Variants in AATF observed in about 807,000 individuals in gnomAD.
AATF encodes the protein protein AATF.
AATF carries 48 observed loss-of-function variants against 63.7 expected under a neutral mutation model. The ratio of observed to expected loss-of-function variants is 0.75; its 90% CI spans 0.60 to 0.96. The LOEUF is 0.96. Among genes scored for constraint, AATF ranks in the 40% least tolerant of loss-of-function variants. The probability of loss-of-function intolerance (pLI) is 0.00; values close to 1 mark genes in which losing one functional copy is unlikely to be tolerated. For missense variants in AATF, 639 were observed against 685.7 expected (o/e 0.93, Z 0.76); for synonymous variants, 258 against 247.7 (o/e 1.04, Z -0.39).
chr17:37,009,266 G>A (rs540220965), intron 8 of AATF, among the ~76,000 whole-genome samples: 1 of 151,666 alleles, frequency 6.6e-6, no homozygotes, highest in South Asian at 2.1e-4. Flanking sequence ...CGAGTAGCTG[G>A]GATTACAGGC....
At chr17:37,046,138 A>G (rs2071688337) in intron 11 of AATF, among the ~76,000 whole-genome samples, 4 of 152,088 alleles carry the variant, frequency 2.6e-5, no homozygotes, top group Admixed American at 2.6e-4. Flanking sequence ...CTGCCATTAA[A>G]CAGTTGTGTG....
chr17:37,049,754 CTTTG>C (rs2071730564), intron 11 of AATF, among the ~76,000 whole-genome samples: 1 of 152,162 alleles, frequency 6.6e-6, no homozygotes, highest in African/African-American at 2.4e-5. Flanking sequence ...AGAAGGATCC[CTTTG>C]TTTGGTGCCG....
chr17:37,047,882 GAAGAGTT>G (rs1357170538), intron 11 of AATF, among the ~76,000 whole-genome samples: 2 of 152,208 alleles, frequency 1.3e-5, no homozygotes, highest in Non-Finnish European at 2.9e-5. Context: ...GGAACCTTGT[GAAGAGTT>G]TCAGCTAGTG....
intron 8 of AATF, among the ~76,000 whole-genome samples, chr17:37,001,929 C>T (rs1395363705): frequency 6.6e-6 from 1 of 152,120 alleles, no homozygotes; most frequent in Non-Finnish European, 1.5e-5. Context: ...CAGCTAGGCA[C>T]GGTGGCTCAC....
At chr17:36,991,021 T>TG (rs1403638620) in intron 8 of AATF, among the ~76,000 whole-genome samples, 164 bp downstream of exon 8, 1 of 152,258 alleles carries the variant, frequency 6.6e-6, no homozygotes, top group Non-Finnish European at 1.5e-5. Flanking sequence ...GTGGATTTGT[T>TG]GCTTTTCTTC....
chr17:37,004,870 C>G (rs558879023), intron 8 of AATF, among the ~76,000 whole-genome samples: 53 of 152,208 alleles, frequency 3.5e-4, no homozygotes, highest in Non-Finnish European at 7.5e-4. Flanking sequence ...TGGTCTTTCT[C>G]TCACTACATT....
intron 2 of AATF, among the ~76,000 whole-genome samples, chr17:36,952,596 G>T (rs746508943): frequency 4.7e-4 from 72 of 152,146 alleles, no homozygotes; most frequent in Non-Finnish European, 9.1e-4. Context: ...CACTCTTCTG[G>T]GTTATTGAAA....
chr17:37,035,664 T>C (rs1238810484), intron 11 of AATF, among the ~76,000 whole-genome samples: 2 of 116,684 alleles, frequency 1.7e-5, no homozygotes, highest in African/African-American at 4.6e-5. Context: ...CAGCCTCCCA[T>C]TGGTCAGTCT....
At chr17:37,056,277 C>T (rs1300391796) in intron 11 of AATF, 2 of 266,804 alleles carry the variant, frequency 7.5e-6, no homozygotes, top group Non-Finnish European at 1.4e-5. Flanking sequence ...TCCTCCTCAT[C>T]GGATGGCGGT....
intron 4 of AATF, chr17:36,980,532 G>C (rs998489132): frequency 6.6e-6 from 1 of 152,210 alleles, no homozygotes; most frequent in Non-Finnish European, 1.5e-5. Context: ...AGAAAAATTA[G>C]AGGTGAATTA....
intron 11 of AATF, among the ~76,000 whole-genome samples, chr17:37,047,744 G>T (rs1288052287): frequency 6.6e-6 from 1 of 152,206 alleles, no homozygotes; most frequent in African/African-American, 2.4e-5. Context: ...GCACTGGGGA[G>T]GATGGTGATG....
At chr17:37,050,253 G>A (rs111471398) in intron 11 of AATF, among the ~76,000 whole-genome samples, 6 of 152,144 alleles carry the variant, frequency 3.9e-5, no homozygotes, top group African/African-American at 1.4e-4. Context: ...AAATGGAGTG[G>A]TTTGTCTGAG....
intron 8 of AATF, among the ~76,000 whole-genome samples, chr17:37,003,172 G>T (rs1028056662): frequency 1.3e-5 from 2 of 152,118 alleles, no homozygotes; most frequent in African/African-American, 4.8e-5. Flanking sequence ...ATTTTCAACA[G>T]GAGTACCAAG....
At chr17:36,958,969 AC>A (rs1407757651) in intron 4 of AATF, among the ~76,000 whole-genome samples, 3 of 151,460 alleles carry the variant, frequency 2.0e-5, no homozygotes, top group Non-Finnish European at 4.4e-5. Flanking sequence ...ACATTATGAA[AC>A]CCCGTCTCTA....
chr17:36,982,233 G>GTTT (rs61030839), intron 4 of AATF, among the ~76,000 whole-genome samples: 3 of 121,756 alleles, frequency 2.5e-5, no homozygotes, highest in Non-Finnish European at 5.4e-5. Flanking sequence ...TTTTTGTTTT[G>GTTT]TTTTTTTTTT....
chr17:37,005,592 T>C (rs1180299693), intron 8 of AATF, among the ~76,000 whole-genome samples: 1 of 152,212 alleles, frequency 6.6e-6, no homozygotes, highest in Non-Finnish European at 1.5e-5. Flanking sequence ...ATGACTTCCT[T>C]TTTATTCTTT....
chr17:36,999,841 T>A (rs2071281134), intron 8 of AATF: 1 of 152,288 alleles, frequency 6.6e-6, no homozygotes, highest in African/African-American at 2.4e-5. Flanking sequence ...GCACAGACTC[T>A]GAGGCAAAAG....
chr17:36,988,800 C>A, intron 6 of AATF, 80 bp downstream of exon 6: 1 of 1,352,262 alleles, frequency 7.4e-7, no homozygotes, highest in Non-Finnish European at 1.0e-6. Flanking sequence ...GGAACTACAG[C>A]TCATTTATAT....
intron 4 of AATF, among the ~76,000 whole-genome samples, chr17:36,979,410 G>A (rs2071103719): frequency 6.6e-6 from 1 of 152,148 alleles, no homozygotes; most frequent in African/African-American, 2.4e-5. Context: ...ATTAATTGCT[G>A]GGGATGACTA....
Sources: allele counts gnomAD v4.1 joint callset (sites outside exome capture counted in the v4.1 genomes callset), GRCh38; gene constraint gnomAD v4.1.1; transcripts MANE v1.5; gene names NCBI Gene and HGNC (gene_info 2026-07-23, HGNC 2026-07-21).